The following MORC1 variants were observed in gnomAD, a reference collection of about 807,000 sequenced individuals.
MORC1 encodes the protein MORC family CW-type zinc finger 1.
A neutral mutation model predicts 134.9 loss-of-function variants in MORC1; 59 were observed. The observed-to-expected ratio is 0.44, with a 90% CI of 0.35 to 0.54. The LOEUF (loss-of-function observed/expected upper bound fraction) is 0.54, where lower values mean the gene tolerates loss of function less well. MORC1 is among the 20% of genes least tolerant of loss of function. The probability of loss-of-function intolerance (pLI) is 0.00; values close to 1 mark genes in which losing one functional copy is unlikely to be tolerated. For missense variants in MORC1, 947 were observed against 1,134.5 expected (o/e 0.83, Z 2.37); for synonymous variants, 395 against 391.7 (o/e 1.01, Z -0.10).
chr3:108,970,197 G>T (rs1947340102), intron 25 of MORC1, among the ~76,000 whole-genome samples: 1 of 152,014 alleles, frequency 6.6e-6, no homozygotes, highest in South Asian at 2.1e-4. Context: ...CCAGGAATGA[G>T]CCTTCAGACA....
intron 17 of MORC1, among the ~76,000 whole-genome samples, chr3:109,025,963 C>T (rs886316465): frequency 1.3e-5 from 2 of 152,168 alleles, no homozygotes; most frequent in African/African-American, 4.8e-5. Flanking sequence ...ACTACCCCTG[C>T]TCTCACAGAA....
At chr3:109,003,391 GCACACACA>G (rs3054383) in intron 20 of MORC1, among the ~76,000 whole-genome samples, 32,336 of 146,618 alleles carry the variant, frequency 0.22, 3,734 homozygotes, top group Middle Eastern at 0.29. Context: ...ATATGTGTAT[GCACACACA>G]CACACACACA....
intron 13 of MORC1, among the ~76,000 whole-genome samples, chr3:109,055,658 C>G (rs1949942072): frequency 6.6e-6 from 1 of 152,196 alleles, no homozygotes; most frequent in African/African-American, 2.4e-5. Context: ...GGATGCTCAC[C>G]TCTAACATAA....
chr3:108,998,479 ATTATTCTT>A (rs2107514348), intron 21 of MORC1, among the ~76,000 whole-genome samples: 1 of 152,202 alleles, frequency 6.6e-6, no homozygotes, highest in East Asian at 1.9e-4. Flanking sequence ...GTGGTAGCTA[ATTATTCTT>A]CCTTAAGTGA....
intron 14 of MORC1, among the ~76,000 whole-genome samples, chr3:109,040,415 G>GAAAGA (rs1949492298): frequency 3.6e-5 from 1 of 27,544 alleles, no homozygotes; most frequent in African/African-American, 9.6e-5. Context: ...AAGGAAGGAA[G>GAAAGA]GAAGGAAGGA....
chr3:109,072,558 A>G (rs374858588), intron 8 of MORC1, among the ~76,000 whole-genome samples: 2 of 152,336 alleles, frequency 1.3e-5, no homozygotes, highest in East Asian at 1.9e-4. Context: ...AATAAATGAC[A>G]ATCATTCAGG....
rs1950278785 is a variant in MORC1 at position 109,069,850 on chromosome 3, G to T, written c.690-93C>A. 2.3e-6 allele frequency: 3 copies of T among 1,330,842 alleles called. No individual in the cohort carries two copies. The East Asian group carries it at 7.7e-5, about 34-fold the overall frequency. The allele number at this position is 1,330,842 out of a possible 1,614,324, so 82.4% of individuals were successfully genotyped here. A position where few individuals can be genotyped will look rare whatever the true frequency, so the allele number is the denominator to read the frequency against. On this transcript the variant is annotated intron_variant, in intron 8 of 27. Coordinates refer to ENST00000232603, the MANE Select transcript of MORC1 (RefSeq NM_014429.4). ...AACATCAGACTATCAGGTTATTATT[G>T]TTACTACAAGAAGCTTCAAGAACTT... is the stretch of plus-strand genomic sequence containing the variant.
chr3:109,103,395 A>G (rs1356115488), intron 4 of MORC1, among the ~76,000 whole-genome samples: 1 of 152,202 alleles, frequency 6.6e-6, no homozygotes, highest in Non-Finnish European at 1.5e-5. Flanking sequence ...AGCTTTCAAA[A>G]TGCAGAGGAA....
intron 2 of MORC1, among the ~76,000 whole-genome samples, chr3:109,112,128 T>G (rs997561211): frequency 6.6e-6 from 1 of 152,238 alleles, no homozygotes; most frequent in African/African-American, 2.4e-5. Context: ...AGAGGTAGTT[T>G]TTTCATGCAG....
At position 108,996,978 on chromosome 3, in the gene MORC1, C is replaced by A. The variant is rs375337320; in HGVS notation, c.2187+3579G>T. 3.3e-4 allele frequency among the ~76,000 whole-genome samples: 41 copies of A among 124,588 alleles called. No homozygotes were observed. In the East Asian group the frequency reaches 9.2e-3, roughly 28 times the overall value. The allele number at this position is 124,588 out of a possible 152,430, so 81.7% of individuals were successfully genotyped here. ...TGAGCCAAGATCGCGCCACTGCACT[C>A]TAGCCTGGGTGACAGAGCGAGACTC... is the stretch of plus-strand genomic sequence containing the variant. On this transcript the variant is annotated intron_variant, in intron 21 of 27. Transcript: ENST00000232603.
chr3:109,040,637 C>T (rs946695674), intron 14 of MORC1, among the ~76,000 whole-genome samples: 3 of 151,256 alleles, frequency 2.0e-5, no homozygotes, highest in Non-Finnish European at 4.4e-5. Context: ...TGAGATCAGC[C>T]TGATCAACAT....
At chr3:109,056,352 C>T (rs889958089) in intron 13 of MORC1, among the ~76,000 whole-genome samples, 3 of 152,138 alleles carry the variant, frequency 2.0e-5, no homozygotes, top group South Asian at 2.1e-4. Flanking sequence ...CTCAGCCTCC[C>T]GAGTAGCTGA....
At chr3:109,111,049 T>TAAA (rs1951155768) in intron 2 of MORC1, among the ~76,000 whole-genome samples, 1 of 48,906 alleles carries the variant, frequency 2.0e-5, no homozygotes, top group African/African-American at 5.2e-5. Flanking sequence ...TGGATATAAT[T>TAAA]TAAAAAAAAA....
intron 16 of MORC1, among the ~76,000 whole-genome samples, chr3:109,031,934 C>A (rs1018310586): frequency 6.6e-6 from 1 of 152,152 alleles, no homozygotes; most frequent in Non-Finnish European, 1.5e-5. Context: ...TGACATTTTT[C>A]TTCAGTCTCT....
intron 15 of MORC1, among the ~76,000 whole-genome samples, chr3:109,033,843 T>C (rs1949305467): frequency 6.6e-6 from 1 of 152,168 alleles, no homozygotes; most frequent in Admixed American, 6.5e-5. Context: ...CAAAACTCTA[T>C]AATGTAGCTA....
intron 14 of MORC1, among the ~76,000 whole-genome samples, chr3:109,054,504 A>T (rs1949910672): frequency 6.6e-6 from 1 of 152,072 alleles, no homozygotes; most frequent in Non-Finnish European, 1.5e-5. Context: ...CTGTTCTCTG[A>T]TTGCCATTCC....
intron 9 of MORC1, among the ~76,000 whole-genome samples, chr3:109,065,549 T>C (rs1950176970): frequency 6.6e-6 from 1 of 152,176 alleles, no homozygotes; most frequent in African/African-American, 2.4e-5. Context: ...AAAGTGATGG[T>C]CTGTCACTTT....
At position 109,054,846 on chromosome 3, in the gene MORC1, G is replaced by A; in HGVS notation, c.1212C>T (p.Pro404=). 2 of 1,605,792 alleles carry A rather than the reference G, an allele frequency of 1.2e-6. No individual in the cohort carries two copies. The highest frequency in any genetic ancestry group is 1.7e-6 in the Non-Finnish European group (2 of 1,178,192). ...GAGVVGIVNI[P]LEVMEPSHNK... ...TATGGGATGGTTCCATGACCTCCAA[G>A]GGTATATTAACAATTCCAACCACGC... Residue 404 remains proline (P), a synonymous_variant, in exon 14 of 28, where the codon CCC becomes CCT. Transcript: ENST00000232603.
At chr3:109,096,015 T>A (rs921650412) in intron 6 of MORC1, among the ~76,000 whole-genome samples, 1 of 152,018 alleles carries the variant, frequency 6.6e-6, no homozygotes, top group Non-Finnish European at 1.5e-5. Context: ...ATAAACAAAG[T>A]AACTCAGTGA....
Sources: allele counts gnomAD v4.1 joint callset (sites outside exome capture counted in the v4.1 genomes callset), GRCh38; gene constraint gnomAD v4.1.1; transcripts MANE v1.5; gene names NCBI Gene and HGNC (gene_info 2026-07-23, HGNC 2026-07-21).